MYT1L: variants seen among roughly 807,000 people sequenced by gnomAD.
MYT1L encodes myelin transcription factor 1-like protein.
Under a neutral mutation model 126.7 loss-of-function variants are expected in MYT1L, and 12 were observed. The observed-to-expected ratio is 0.09, with a 90% CI of 0.06 to 0.15. The LOEUF (loss-of-function observed/expected upper bound fraction) is 0.15. Ranked by LOEUF, MYT1L falls within the 10% of genes least tolerant of loss-of-function variation. MYT1L has a pLI of 1.00. For missense variants in MYT1L, 979 were observed against 1,585.2 expected, an observed-to-expected ratio of 0.62 and a Z score of 6.49; for synonymous variants, 541 against 604.2, an observed-to-expected ratio of 0.90 and a Z score of 1.53.
chr2:1,906,451 A>G (rs1294778177), intron 13 of MYT1L, among the ~76,000 whole-genome samples: 1 of 152,188 alleles, frequency 6.6e-6, no homozygotes, highest in Non-Finnish European at 1.5e-5. Flanking sequence ...ATTATTTCAT[A>G]AATTTATATT....
chr2:1,806,313 G>A lies in MYT1L; in HGVS notation c.3172+2763C>T, dbSNP rs906303223. On this transcript the variant is annotated intron_variant, in intron 22 of 24. Coordinates refer to ENST00000647738, the MANE Select transcript of MYT1L (RefSeq NM_001303052.2). This position sits in a 1 kb window ranked among gnomAD's most constrained non-coding sequence, Gnocchi z 4.9. ...CAGCTCCTCTTTTTTACCCATGGAC[G>A]TGCGTGCATTAGGATCTGCAGCAAG... 3.3e-5 allele frequency among the ~76,000 whole-genome samples: 5 copies of A among 152,190 alleles called. No individual in the cohort carries two copies. The highest frequency in any genetic ancestry group is 2.1e-4 in the South Asian group (1 of 4,828).
intron 2 of MYT1L, among the ~76,000 whole-genome samples, chr2:2,272,884 C>G (rs2095290440): frequency 6.6e-6 from 1 of 152,180 alleles, no homozygotes; most frequent in East Asian, 1.9e-4. Flanking sequence ...CCCTGCACCT[C>G]CAGGGCGTCC....
At chr2:1,854,958 C>A (rs1207026053) in intron 18 of MYT1L, among the ~76,000 whole-genome samples, 3 of 152,268 alleles carry the variant, frequency 2.0e-5, no homozygotes, top group Admixed American at 2.0e-4. Context: ...GATAACCAGC[C>A]CCCGGTTTTC....
rs143621634 is a variant in MYT1L at position 1,895,860 on chromosome 2, G to C, written c.2033-3573C>G. Among the ~76,000 whole-genome samples, 347 of 152,292 alleles carry C rather than the reference G, an allele frequency of 2.3e-3. 1 individual carries two copies. Among genetic ancestry groups the C allele is most frequent in the African/African-American group, 7.5e-3 (311 of 41,554 alleles). On this transcript the variant is annotated intron_variant, in intron 14 of 24. Coordinates refer to ENST00000647738, the MANE Select transcript of MYT1L (RefSeq NM_001303052.2). ...AAGAGGGACCTAATTAAACAAAAGA[G>C]CTTCTGCACAGCAAAAGAAACTATC...
rs377210901 is a variant in MYT1L at position 2,273,335 on chromosome 2, C to T, written c.-421+11069G>A. On this transcript the variant is annotated intron_variant, in intron 2 of 24. Coordinates refer to ENST00000647738, the MANE Select transcript of MYT1L (RefSeq NM_001303052.2). Reference sequence around the variant, plus strand: ...ATTAAAACACATCTAGAAATGACCCCTGATAAATGAGATGTTTGGAAACAA... The same window carrying T: ...ATTAAAACACATCTAGAAATGACCCTTGATAAATGAGATGTTTGGAAACAA... 2.6e-5 allele frequency among the ~76,000 whole-genome samples: 4 copies of T among 152,126 alleles called. No homozygotes were observed. The South Asian group carries it at 6.2e-4, about 24-fold the overall frequency.
chr2:2,130,019 A>G (rs997791143), intron 3 of MYT1L, among the ~76,000 whole-genome samples: 2 of 152,164 alleles, frequency 1.3e-5, no homozygotes, highest in African/African-American at 4.8e-5. Flanking sequence ...CTACGTGGGA[A>G]AAGGCACCAT....
rs35538068 is a variant in MYT1L, at chr2:1,814,044, G to GAA, written c.3081-4879_3081-4878dup. ...TCCGTCCCCAAAAAAAAAAAAAAAA[G>GAA]AAAGAAAAATTAGCTTCCATGAAAC... On this transcript the variant is annotated intron_variant, in intron 21 of 24. Coordinates refer to ENST00000647738, the MANE Select transcript of MYT1L (RefSeq NM_001303052.2). 2.4e-4 allele frequency among the ~76,000 whole-genome samples: 33 copies of GAA among 137,558 alleles called. 1 individual carries two copies. The highest frequency in any genetic ancestry group is 6.9e-4 in the South Asian group (3 of 4,348). 90.2% of individuals were successfully genotyped at this position (137,558 alleles called of 152,430 possible). A position where few individuals can be genotyped will look rare whatever the true frequency, so the allele number is the denominator to read the frequency against.
chr2:1,839,196 T>A lies in MYT1L; in HGVS notation c.3033A>T (p.Gly1011=), dbSNP rs6728368. The A allele has an allele frequency of 0.048, 78,099 of 1,613,286 alleles. 3,430 individuals are homozygous for A. The highest frequency in any genetic ancestry group is 0.23 in the African/African-American group (17,342 of 75,042). The change falls in exon 21 of 25, where the codon GGA becomes GGT. Residue 1011 remains glycine, a synonymous_variant. Coordinates refer to ENST00000647738, the MANE Select transcript of MYT1L (RefSeq NM_001303052.2). ...KTEGMSCPTP[G]CDGSGHVSGS... is the part of the protein sequence containing the mutation. ...CGCTGACGTGGCCTGAGCCGTCGCA[T>A]CCTGGCGTGGGGCAGGACATGCCTT...
chr2:2,200,077 G>A (rs1012814491), intron 2 of MYT1L, among the ~76,000 whole-genome samples: 5 of 151,958 alleles, frequency 3.3e-5, no homozygotes, highest in South Asian at 2.1e-4. Context: ...CTATAAATAC[G>A]TCACATGCTT....
Position 1,929,152 on chromosome 2 carries a change from C to G in MYT1L, c.506-5889G>C, listed in dbSNP as rs1488741359. Among the ~76,000 whole-genome samples, 1 of 152,164 alleles carries G rather than the reference C, an allele frequency of 6.6e-6. No individual in the cohort carries two copies. Among genetic ancestry groups the G allele is most frequent in the Non-Finnish European group, 1.5e-5 (1 of 68,022 alleles). ...CATGCTGAGACACTGCAGTCTCTTT[C>G]CTTTCATAAGAGGGGAGAAGTCACT... On this transcript the variant is annotated intron_variant, in intron 9 of 24. Transcript: ENST00000647738. This position sits in a 1 kb window ranked among gnomAD's most constrained non-coding sequence, Gnocchi z 4.7.
intron 1 of MYT1L, among the ~76,000 whole-genome samples, 178 bp from the exon 2 acceptor site, chr2:2,284,681 A>G (rs1274698029): frequency 6.6e-6 from 1 of 151,768 alleles, no homozygotes; most frequent in East Asian, 1.9e-4. Flanking sequence ...GGAGTTAGAC[A>G]CTCCTACTGT....
intron 3 of MYT1L, among the ~76,000 whole-genome samples, chr2:2,091,005 T>C (rs969268280): frequency 2.0e-5 from 3 of 152,224 alleles, no homozygotes; most frequent in Admixed American, 6.5e-5. Context: ...TCTGCAGTTA[T>C]ATCCTCCACT....
chr2:2,060,808 T>TTCTCTCTCTCTCTTTCCCTC (rs1327163897), intron 3 of MYT1L, among the ~76,000 whole-genome samples: 18 of 146,162 alleles, frequency 1.2e-4, no homozygotes, highest in Non-Finnish European at 2.0e-4. Context: ...TCCTTTCCTC[T>TTCTCTCTCTCTCTTTCCCTC]TCTCTCTCTC....
At chr2:2,252,026 G>A (rs1368080665) in intron 2 of MYT1L, among the ~76,000 whole-genome samples, 1 of 152,182 alleles carries the variant, frequency 6.6e-6, no homozygotes, top group Admixed American at 6.5e-5. Flanking sequence ...AGATTTACCT[G>A]AAGTTACCTA....
intron 4 of MYT1L, among the ~76,000 whole-genome samples, chr2:2,042,263 G>A (rs1169009590): frequency 6.6e-6 from 1 of 152,158 alleles, no homozygotes; most frequent in Non-Finnish European, 1.5e-5. Context: ...CATTTGGCAG[G>A]TTATGTGGAT....
intron 9 of MYT1L, among the ~76,000 whole-genome samples, chr2:1,928,720 G>C (rs1324165750): frequency 6.6e-6 from 1 of 152,028 alleles, no homozygotes; most frequent in East Asian, 1.9e-4. Flanking sequence ...CTGAAGGCTT[G>C]GTTGTATCAC....
At chr2:2,210,917 T>C (rs2093483359) in intron 2 of MYT1L, among the ~76,000 whole-genome samples, 1 of 152,160 alleles carries the variant, frequency 6.6e-6, no homozygotes, top group African/African-American at 2.4e-5. Flanking sequence ...CAGTGTTTTA[T>C]AGTTTTTGTT....
chr2:2,190,610 G>T (rs1004542741), intron 2 of MYT1L, among the ~76,000 whole-genome samples: 2 of 149,624 alleles, frequency 1.3e-5, no homozygotes, highest in African/African-American at 2.5e-5. Flanking sequence ...AAGTACTTGT[G>T]TCCTGGATTC....
intron 5 of MYT1L, among the ~76,000 whole-genome samples, chr2:1,990,633 G>T (rs894964539): frequency 6.6e-6 from 1 of 152,156 alleles, no homozygotes; most frequent in South Asian, 2.1e-4. Context: ...GGGGTGTCTC[G>T]ATGACACATG....
Sources: allele counts gnomAD v4.1 joint callset (sites outside exome capture counted in the v4.1 genomes callset), GRCh38; gene constraint gnomAD v4.1.1; non-coding constraint Gnocchi (gnomAD v3.1); transcripts MANE v1.5; gene names NCBI Gene and HGNC (gene_info 2026-07-23, HGNC 2026-07-21).